The following LRP1B variants were observed in gnomAD, a reference collection of about 807,000 sequenced individuals.
LRP1B encodes low-density lipoprotein receptor-related protein 1B.
In LRP1B, 217 loss-of-function variants were observed where a neutral mutation model predicts 556.6. The ratio of observed to expected loss-of-function variants is 0.39; its 90% CI spans 0.35 to 0.44. The LOEUF (loss-of-function observed/expected upper bound fraction) is 0.44. LRP1B is among the 20% of genes least tolerant of loss of function. The pLI, the probability that LRP1B is intolerant of heterozygous loss-of-function variation, is 1.00. For missense variants in LRP1B, 5,053 were observed against 5,620.8 expected, an observed-to-expected ratio of 0.90 and a Z score of 3.23; for synonymous variants, 2,047 against 1,865.8, an observed-to-expected ratio of 1.10 and a Z score of -2.50.
intron 32 of LRP1B, among the ~76,000 whole-genome samples, chr2:140,792,950 A>G: frequency 6.6e-6 from 1 of 152,074 alleles, no homozygotes; most frequent in East Asian, 1.9e-4. Flanking sequence ...AAAATAAAGG[A>G]AAATAAATGT....
intron 2 of LRP1B, among the ~76,000 whole-genome samples, chr2:141,489,526 T>C (rs1271425991): frequency 6.6e-6 from 1 of 151,964 alleles, no homozygotes; most frequent in Non-Finnish European, 1.5e-5. Context: ...ATTTACTCAA[T>C]GTTATTTGGG....
chr2:141,378,942 G>T (rs1038820884), intron 3 of LRP1B, among the ~76,000 whole-genome samples: 1 of 151,928 alleles, frequency 6.6e-6, no homozygotes, highest in African/African-American at 2.4e-5. Flanking sequence ...AGACGAACAG[G>T]GAAGTGAGAA....
chr2:141,545,909 C>T (rs1685532990), intron 2 of LRP1B, among the ~76,000 whole-genome samples: 1 of 152,124 alleles, frequency 6.6e-6, no homozygotes. Context: ...TGATTTTAGA[C>T]TAGTGGAACA....
intron 6 of LRP1B, among the ~76,000 whole-genome samples, chr2:141,210,678 A>C (rs1464808035): frequency 6.6e-6 from 1 of 152,198 alleles, no homozygotes; most frequent in Non-Finnish European, 1.5e-5. Flanking sequence ...TGAAACAAGC[A>C]AACATAAGAT....
intron 35 of LRP1B, among the ~76,000 whole-genome samples, chr2:140,740,634 A>G (rs1688104651): frequency 6.6e-6 from 1 of 151,508 alleles, no homozygotes; most frequent in African/African-American, 2.4e-5. Flanking sequence ...ACCAAACACC[A>G]CCTGTTCCCC....
intron 32 of LRP1B, among the ~76,000 whole-genome samples, chr2:140,788,770 G>A (rs1276539261): frequency 6.6e-6 from 1 of 152,152 alleles, no homozygotes; most frequent in African/African-American, 2.4e-5. Flanking sequence ...CCCACAAAAT[G>A]TATATGTTGA....
chr2:141,749,601 T>G (rs1389851102), intron 2 of LRP1B, among the ~76,000 whole-genome samples: 1 of 152,152 alleles, frequency 6.6e-6, no homozygotes, highest in Non-Finnish European at 1.5e-5. Context: ...TTTTAAGACA[T>G]GTTTATATAT....
At position 140,903,172 on chromosome 2, in the gene LRP1B, A is replaced by T; in HGVS notation, c.3521-7T>A. On this transcript the variant is annotated splice_polypyrimidine_tract_variant and splice_region_variant and intron_variant, in intron 22 of 90. Coordinates refer to ENST00000389484, the MANE Select transcript of LRP1B (RefSeq NM_018557.3). ...TTGTTCAGCGAACACTCATCTATAAAAAGGGGGGAACAGATTATAGGTCTT... is the reference window on the plus strand; with the variant it reads ...TTGTTCAGCGAACACTCATCTATAATAAGGGGGGAACAGATTATAGGTCTT... 1 of 1,612,254 alleles carries T rather than the reference A, an allele frequency of 6.2e-7. No homozygotes were observed. Among genetic ancestry groups the T allele is most frequent in the Non-Finnish European group, 8.5e-7 (1 of 1,179,264 alleles).
chr2:140,458,281 T>C (rs1386049590), intron 60 of LRP1B, among the ~76,000 whole-genome samples: 1 of 152,132 alleles, frequency 6.6e-6, no homozygotes, highest in South Asian at 2.1e-4. Flanking sequence ...GCAAATTTAA[T>C]AGTCATAAAA....
At chr2:140,760,605 G>T (rs1267396200) in intron 35 of LRP1B, among the ~76,000 whole-genome samples, 1 of 152,092 alleles carries the variant, frequency 6.6e-6, no homozygotes, top group Non-Finnish European at 1.5e-5. Flanking sequence ...ACCCATCCTG[G>T]CTGGGCGCAG....
intron 43 of LRP1B, among the ~76,000 whole-genome samples, chr2:140,546,797 A>G (rs182807173): frequency 5.4e-4 from 82 of 152,190 alleles, no homozygotes; most frequent in African/African-American, 1.7e-3. Context: ...TTGGCTGTGG[A>G]TTTGTCATAG....
At chr2:141,226,267 C>G (rs532647418) in intron 6 of LRP1B, among the ~76,000 whole-genome samples, 61 of 152,222 alleles carry the variant, frequency 4.0e-4, no homozygotes, top group Non-Finnish European at 6.2e-4. Context: ...CTTCTGCATT[C>G]TTTTTAGCCA....
intron 7 of LRP1B, among the ~76,000 whole-genome samples, chr2:141,184,921 T>C (rs964333127): frequency 6.6e-6 from 1 of 152,010 alleles, no homozygotes; most frequent in African/African-American, 2.4e-5. Context: ...ATATAATAGA[T>C]TTAATCTGTA....
At chr2:141,939,251 T>C (rs1039884714) in intron 1 of LRP1B, among the ~76,000 whole-genome samples, 2 of 151,990 alleles carry the variant, frequency 1.3e-5, no homozygotes, top group Non-Finnish European at 2.9e-5. Context: ...ACTGTATATA[T>C]ACACACACAC....
chr2:141,020,351 T>C lies in LRP1B; in HGVS notation c.1790-249A>G, dbSNP rs573276444. Among the ~76,000 whole-genome samples the C allele has an allele frequency of 5.3e-5, 8 of 152,204 alleles. No individual in the cohort carries two copies. The East Asian group carries it at 1.4e-3, about 26-fold the overall frequency. On this transcript the variant is annotated intron_variant, in intron 11 of 90. Transcript: ENST00000389484. Reference sequence around the variant, plus strand: ...GTACACAGTGTTAACAAATTAATCATGGTCATTAACTCAGATTTTAATTGA... The same window carrying C: ...GTACACAGTGTTAACAAATTAATCACGGTCATTAACTCAGATTTTAATTGA...
At chr2:141,661,472 A>G (rs1236966117) in intron 2 of LRP1B, among the ~76,000 whole-genome samples, 1 of 152,220 alleles carries the variant, frequency 6.6e-6, no homozygotes, top group Non-Finnish European at 1.5e-5. Flanking sequence ...TAGCCAGTTT[A>G]GAAAGAAACA....
At chr2:141,959,674 T>C (rs776580124) in intron 1 of LRP1B, among the ~76,000 whole-genome samples, 68 of 152,006 alleles carry the variant, frequency 4.5e-4, no homozygotes, top group Non-Finnish European at 3.7e-4. Context: ...ACATTTAAAA[T>C]ATTATTTCAA....
At chr2:140,628,454 A>G (rs982627715) in intron 41 of LRP1B, among the ~76,000 whole-genome samples, 18 of 151,350 alleles carry the variant, frequency 1.2e-4, no homozygotes, top group South Asian at 6.3e-4. Flanking sequence ...GGAGAATGGC[A>G]TGAACCCGGG....
At chr2:141,834,159 C>T (rs569704518) in intron 1 of LRP1B, among the ~76,000 whole-genome samples, 3 of 151,932 alleles carry the variant, frequency 2.0e-5, no homozygotes, top group South Asian at 2.1e-4. Flanking sequence ...GGTATGCTCA[C>T]GTTTTCGACT....
Sources: gnomAD v4.1 joint callset for allele counts (sites outside exome capture counted in the v4.1 genomes callset) on GRCh38, gnomAD v4.1.1 for gene constraint, MANE v1.5 for transcripts, NCBI Gene and HGNC (gene_info 2026-07-23, HGNC 2026-07-21) for gene names.